The following SH3PXD2A variants were observed in gnomAD, a reference collection of about 807,000 sequenced individuals.
The protein encoded by SH3PXD2A is SH3 and PX domain-containing protein 2A.
A neutral mutation model predicts 115.2 loss-of-function variants in SH3PXD2A; 32 were observed. That is an observed-to-expected ratio of 0.28 (90% CI 0.21 to 0.37). The LOEUF (loss-of-function observed/expected upper bound fraction) is 0.37. Among genes scored for constraint, SH3PXD2A ranks in the 10% least tolerant of loss-of-function variants. The probability of loss-of-function intolerance (pLI) is 1.00; values close to 1 mark genes in which losing one functional copy is unlikely to be tolerated. For missense variants in SH3PXD2A, 1,328 were observed against 1,498.7 expected (o/e 0.89, Z 1.88); for synonymous variants, 610 against 629.1 (o/e 0.97, Z 0.45).
chr10:103,742,929 T>G (rs2038459569), intron 3 of SH3PXD2A, among the ~76,000 whole-genome samples: 1 of 142,524 alleles, frequency 7.0e-6, no homozygotes, highest in Non-Finnish European at 1.5e-5. Context: ...GATGTGAGGA[T>G]TCCTAGAGGG....
At position 103,613,082 on chromosome 10, in the gene SH3PXD2A, G is replaced by A. The variant is rs2036453147; in HGVS notation, c.1029C>T (p.Asn343=). Reference sequence around the variant, plus strand: ...TCAGCAGGTTGCTGATCTCCATGATGTTCCCAATGATCTCCACTGGGCCGG... The same window carrying A: ...TCAGCAGGTTGCTGATCTCCATGATATTCCCAATGATCTCCACTGGGCCGG... ...NLAGPVEIIG[N]IMEISNLLNK... The change falls in exon 12 of 15, where the codon AAC becomes AAT. Residue 343 remains asparagine, a synonymous_variant. Coordinates refer to ENST00000369774, the MANE Select transcript of SH3PXD2A (RefSeq NM_001394015.1). The A allele has an allele frequency of 1.9e-6, 3 of 1,614,106 alleles. No homozygotes were observed. Among genetic ancestry groups the A allele is most frequent in the South Asian group, 1.1e-5 (1 of 91,090 alleles).
At chr10:103,671,514 T>C (rs777495741) in intron 6 of SH3PXD2A, among the ~76,000 whole-genome samples, 1 of 152,306 alleles carries the variant, frequency 6.6e-6, no homozygotes. Flanking sequence ...ACATGATTTA[T>C]TTCCCAGTCC....
chr10:103,654,325 G>A (rs2037176817), intron 8 of SH3PXD2A, among the ~76,000 whole-genome samples: 1 of 152,156 alleles, frequency 6.6e-6, no homozygotes, highest in Admixed American at 6.5e-5. Flanking sequence ...CTCACTGCCT[G>A]ACAGTAAACC....
chr10:103,807,357 A>G (rs1273021659), intron 1 of SH3PXD2A, among the ~76,000 whole-genome samples: 5 of 152,220 alleles, frequency 3.3e-5, no homozygotes, highest in Non-Finnish European at 7.3e-5. Flanking sequence ...AGGAAATTGC[A>G]TATCTCCATG....
intron 8 of SH3PXD2A, among the ~76,000 whole-genome samples, chr10:103,651,881 A>T (rs1421958670): frequency 6.6e-6 from 1 of 152,198 alleles, no homozygotes; most frequent in East Asian, 1.9e-4. Flanking sequence ...CACTGTCCTT[A>T]GAGCTTTCCA....
intron 2 of SH3PXD2A, among the ~76,000 whole-genome samples, chr10:103,792,914 TG>T (rs2039048837): frequency 6.6e-6 from 1 of 152,220 alleles, no homozygotes; most frequent in African/African-American, 2.4e-5. Context: ...TGATCTAGAA[TG>T]ATGGTCCAGG....
rs185845646 is a variant in SH3PXD2A, at chr10:103,767,288, C to T, written c.154-119G>A. The T allele has an allele frequency of 5.6e-6, 4 of 712,228 alleles. No individual in the cohort carries two copies. In the African/African-American group the frequency reaches 7.0e-5, roughly 12 times the overall value. The allele number at this position is 712,228 out of a possible 1,614,324, so 44.1% of individuals were successfully genotyped here. A position where few individuals can be genotyped will look rare whatever the true frequency, so the allele number is the denominator to read the frequency against. ...GTGTCCTCACACGGATGAGTGACGCCTGAGATCCCTCATTTCACAGATGAT... is the reference window on the plus strand; with the variant it reads ...GTGTCCTCACACGGATGAGTGACGCTTGAGATCCCTCATTTCACAGATGAT... On this transcript the variant is annotated intron_variant, in intron 2 of 14. Coordinates refer to ENST00000369774, the MANE Select transcript of SH3PXD2A (RefSeq NM_001394015.1).
intron 1 of SH3PXD2A, among the ~76,000 whole-genome samples, chr10:103,848,219 TC>T (rs1842866363): frequency 6.6e-6 from 1 of 151,792 alleles, no homozygotes; most frequent in African/African-American, 2.4e-5. Context: ...CTCCTCCTCC[TC>T]CTCCTCCTCA....
chr10:103,791,985 G>C lies in SH3PXD2A; in HGVS notation c.153+9297C>G, dbSNP rs936030056. ...CACCTGCTAACAGGATCTGCCAAAG[G>C]GGAACTCAGGAGAGGCAGGAGGAAG... On this transcript the variant is annotated intron_variant, in intron 2 of 14. Transcript: ENST00000369774. 5.9e-5 allele frequency among the ~76,000 whole-genome samples: 9 copies of C among 152,176 alleles called. 1 individual carries two copies. In the South Asian group the frequency reaches 1.9e-3, roughly 32 times the overall value.
chr10:103,607,527 T>TG (rs1166788620), intron 13 of SH3PXD2A, among the ~76,000 whole-genome samples: 34 of 131,004 alleles, frequency 2.6e-4, no homozygotes, highest in Admixed American at 3.0e-4. Flanking sequence ...GGGAGGGAGG[T>TG]GGGGGGGTCA....
At chr10:103,841,325 C>T (rs1316146148) in intron 1 of SH3PXD2A, among the ~76,000 whole-genome samples, 1 of 152,188 alleles carries the variant, frequency 6.6e-6, no homozygotes, top group Non-Finnish European at 1.5e-5. Flanking sequence ...GCACTGCTTT[C>T]AACACAGCAC....
At chr10:103,807,588 G>A (rs1264896031) in intron 1 of SH3PXD2A, among the ~76,000 whole-genome samples, 1 of 152,220 alleles carries the variant, frequency 6.6e-6, no homozygotes, top group East Asian at 1.9e-4. Context: ...GGACATGTAG[G>A]TGTGAAATCT....
intron 5 of SH3PXD2A, among the ~76,000 whole-genome samples, chr10:103,717,646 T>G (rs1004754748): frequency 1.3e-5 from 2 of 152,232 alleles, no homozygotes; most frequent in African/African-American, 4.8e-5. Flanking sequence ...CAGACAGAGT[T>G]CCTAGCGTTC....
intron 7 of SH3PXD2A, among the ~76,000 whole-genome samples, chr10:103,663,006 TG>T (rs1278543837): frequency 6.6e-6 from 1 of 152,118 alleles, no homozygotes; most frequent in Non-Finnish European, 1.5e-5. Flanking sequence ...GGTCTCACTT[TG>T]TTGCCCAGGC....
intron 2 of SH3PXD2A, among the ~76,000 whole-genome samples, chr10:103,778,112 G>A (rs999618045): frequency 6.6e-6 from 1 of 152,104 alleles, no homozygotes; most frequent in Non-Finnish European, 1.5e-5. Flanking sequence ...GGAGGATCAC[G>A]AGGTCAGGAG....
intron 6 of SH3PXD2A, among the ~76,000 whole-genome samples, chr10:103,689,250 G>C (rs1351039132): frequency 6.6e-6 from 1 of 152,178 alleles, no homozygotes; most frequent in Non-Finnish European, 1.5e-5. Context: ...GAAGCAGTGA[G>C]ACCAGGTAGG....
intron 13 of SH3PXD2A, among the ~76,000 whole-genome samples, chr10:103,606,865 C>A (rs1367380355): frequency 6.6e-6 from 1 of 152,264 alleles, no homozygotes; most frequent in African/African-American, 2.4e-5. Flanking sequence ...CTCCCAGCCG[C>A]CTGCCTTGGC....
chr10:103,750,508 G>C (rs1165236188), intron 3 of SH3PXD2A, among the ~76,000 whole-genome samples: 7 of 152,208 alleles, frequency 4.6e-5, no homozygotes. Context: ...CCTAAAATTT[G>C]CCCAGACACC....
intron 10 of SH3PXD2A, 67 bp downstream of exon 10, chr10:103,622,403 G>C (rs2036620256): frequency 9.5e-7 from 1 of 1,054,094 alleles, no homozygotes; most frequent in South Asian, 1.4e-5. Flanking sequence ...AGCCCGGAAA[G>C]AAAGAGCAGT....
Sources: gnomAD v4.1 joint callset for allele counts (sites outside exome capture counted in the v4.1 genomes callset) on GRCh38, gnomAD v4.1.1 for gene constraint, MANE v1.5 for transcripts, NCBI Gene and HGNC (gene_info 2026-07-23, HGNC 2026-07-21) for gene names.